Variants in THSD7B observed in about 807,000 individuals in gnomAD.
THSD7B encodes the protein thrombospondin type 1 domain containing 7B.
THSD7B carries 138 observed loss-of-function variants against 213.6 expected under a neutral mutation model. That is an observed-to-expected ratio of 0.65 (90% CI 0.56 to 0.74). The LOEUF (loss-of-function observed/expected upper bound fraction) is 0.74, where lower values mean the gene tolerates loss of function less well. Among genes scored for constraint, THSD7B ranks in the 30% least tolerant of loss-of-function variants. The probability of loss-of-function intolerance (pLI) is 0.00; values close to 1 mark genes in which losing one functional copy is unlikely to be tolerated. For missense variants in THSD7B, 1,931 were observed against 1,991.5 expected (o/e 0.97, Z 0.58); for synonymous variants, 742 against 687.0 (o/e 1.08, Z -1.25).
At chr2:136,954,183 CA>C (rs1332722323) in intron 2 of THSD7B, among the ~76,000 whole-genome samples, 1 of 151,952 alleles carries the variant, frequency 6.6e-6, no homozygotes, top group East Asian at 1.9e-4. Context: ...AAATGTGGAC[CA>C]AAAGAGAAAA....
chr2:137,248,276 G>A (rs918466698), intron 10 of THSD7B, among the ~76,000 whole-genome samples: 2 of 152,100 alleles, frequency 1.3e-5, no homozygotes, highest in African/African-American at 4.8e-5. Flanking sequence ...TCTACATGCT[G>A]GTATTATGGC....
intron 12 of THSD7B, among the ~76,000 whole-genome samples, chr2:137,388,983 G>T (rs1425354727): frequency 6.6e-6 from 1 of 151,764 alleles, no homozygotes; most frequent in African/African-American, 2.4e-5. Context: ...CATGGGGGCT[G>T]CAGTAAACAT....
At chr2:137,171,257 A>C (rs576815402) in intron 7 of THSD7B, among the ~76,000 whole-genome samples, 7 of 152,290 alleles carry the variant, frequency 4.6e-5, no homozygotes, top group African/African-American at 7.2e-5. Flanking sequence ...TATCAATATA[A>C]AACAAGTAAA....
chr2:137,211,003 A>G lies in THSD7B; in HGVS notation c.1724-20041A>G, dbSNP rs938378638. ...TTTCTTCCAAACTTTGATTCTGTTGATTGCAGGAACATTAACTATTCTTTC... is the reference window on the plus strand; with the variant it reads ...TTTCTTCCAAACTTTGATTCTGTTGGTTGCAGGAACATTAACTATTCTTTC... On this transcript the variant is annotated intron_variant, in intron 7 of 27. Transcript: ENST00000409968. 2.6e-5 allele frequency among the ~76,000 whole-genome samples: 4 copies of G among 151,952 alleles called. No individual in the cohort carries two copies. In the East Asian group the frequency reaches 7.7e-4, roughly 29 times the overall value.
intron 10 of THSD7B, among the ~76,000 whole-genome samples, chr2:137,265,036 T>A (rs190441243): frequency 5.9e-4 from 90 of 152,198 alleles, no homozygotes; most frequent in Middle Eastern, 3.4e-3. Context: ...GTCCATGTGT[T>A]CTCATTGTTC....
intron 10 of THSD7B, among the ~76,000 whole-genome samples, chr2:137,263,420 G>GC (rs553143561): frequency 3.3e-5 from 5 of 152,080 alleles, no homozygotes; most frequent in Non-Finnish European, 7.4e-5. Context: ...AAGGTTAAGT[G>GC]CCTTGCCCAA....
intron 16 of THSD7B, among the ~76,000 whole-genome samples, chr2:137,569,917 A>C (rs1163190507): frequency 6.6e-6 from 1 of 152,058 alleles, no homozygotes; most frequent in Non-Finnish European, 1.5e-5. Context: ...CATTAACCAG[A>C]AGTCTTCCCT....
chr2:137,621,415 G>C (rs1226928797), intron 20 of THSD7B, among the ~76,000 whole-genome samples: 1 of 152,186 alleles, frequency 6.6e-6, no homozygotes, highest in African/African-American at 2.4e-5. Flanking sequence ...AGGAAAGGTA[G>C]TATAAATCTT....
chr2:136,904,963 T>G (rs1384114596), intron 2 of THSD7B, among the ~76,000 whole-genome samples: 2 of 152,224 alleles, frequency 1.3e-5, no homozygotes, highest in Non-Finnish European at 2.9e-5. Context: ...CTCTTCTTTT[T>G]CAACTGGAAT....
chr2:137,335,235 C>A (rs1470617714), intron 12 of THSD7B, among the ~76,000 whole-genome samples: 1 of 152,166 alleles, frequency 6.6e-6, no homozygotes, highest in Non-Finnish European at 1.5e-5. Context: ...AGTTTAAAAA[C>A]TACCTCATGA....
rs1681679451 is a variant in THSD7B, at chr2:137,233,069, G to A, written c.2086G>A (p.Val696Ile). 1.2e-6 allele frequency: 2 copies of A among 1,613,814 alleles called. No homozygotes were observed. Among genetic ancestry groups the A allele is most frequent in the South Asian group, 1.1e-5 (1 of 91,088 alleles). ...IGWNGEATCG[V>I]GIQTRRVFCV... Reference sequence around the variant, plus strand: ...CTGGAATGGAGAAGCCACGTGTGGTGTAGGCATTCAGACTCGGAGAGTCTT... The same window carrying A: ...CTGGAATGGAGAAGCCACGTGTGGTATAGGCATTCAGACTCGGAGAGTCTT... Residue 696 changes from valine to isoleucine, a missense_variant, in exon 9 of 28, where the codon GTA becomes ATA. By Grantham distance (29) the Val-to-Ile change is conservative (BLOSUM62 3). Coordinates refer to ENST00000409968, the MANE Select transcript of THSD7B (RefSeq NM_001316349.2).
rs533620288 is a variant in THSD7B at position 137,529,748 on chromosome 2, ATAT to A, written c.3139-33469_3139-33467del. Among the ~76,000 whole-genome samples the A allele has an allele frequency of 5.3e-5, 8 of 152,080 alleles. No homozygotes were observed. In the East Asian group the frequency reaches 1.6e-3, roughly 30 times the overall value. On this transcript the variant is annotated intron_variant, in intron 15 of 27. Coordinates refer to ENST00000409968, the MANE Select transcript of THSD7B (RefSeq NM_001316349.2). ...TCAGAAGAATTAAACTGCCCTTTAG[ATAT>A]TATACCTGTCTTCCCTGCTGAGATT...
intron 5 of THSD7B, among the ~76,000 whole-genome samples, chr2:137,137,991 C>T (rs898183854): frequency 3.3e-5 from 5 of 152,164 alleles, no homozygotes; most frequent in Non-Finnish European, 4.4e-5. Flanking sequence ...CTCGACTTCC[C>T]AGGCTCAAGT....
rs892891971 is a variant in THSD7B at position 137,663,534 on chromosome 2, A to G, written c.4610A>G (p.His1537Arg). The change falls in exon 26 of 28, where the codon CAT (histidine) becomes CGT (arginine). Residue 1537 changes from histidine to arginine, a missense_variant. Physicochemically the swap from His to Arg is conservative, Grantham distance 29. Coordinates refer to ENST00000409968, the MANE Select transcript of THSD7B (RefSeq NM_001316349.2). ...AACAGACCTGTGAATTCAAAAATAC[A>G]TGATATTTTTAAAGGATGGTCTCTT... ...GKNRPVNSKIHDIFKGWSLQP... is the reference protein window; with the variant it reads ...GKNRPVNSKIRDIFKGWSLQP... 7.5e-6 allele frequency: 12 copies of G among 1,609,346 alleles called. No homozygotes were observed. The highest frequency in any genetic ancestry group is 2.2e-5 in the East Asian group (1 of 44,796).
chr2:137,273,652 C>T (rs573941742), intron 11 of THSD7B, among the ~76,000 whole-genome samples: 2 of 151,970 alleles, frequency 1.3e-5, no homozygotes, highest in Non-Finnish European at 2.9e-5. Context: ...AGAAAGATAT[C>T]GTTGAAGAAG....
intron 15 of THSD7B, among the ~76,000 whole-genome samples, chr2:137,473,564 A>C (rs1186995475): frequency 6.6e-6 from 1 of 152,184 alleles, no homozygotes; most frequent in Non-Finnish European, 1.5e-5. Flanking sequence ...GAGAACTCTC[A>C]AACCTTAGTA....
chr2:137,582,635 C>G (rs1681607352), intron 17 of THSD7B, among the ~76,000 whole-genome samples: 1 of 152,016 alleles, frequency 6.6e-6, no homozygotes, highest in African/African-American at 2.4e-5. Context: ...TGATGGTTTC[C>G]AGCTTCATCC....
chr2:137,201,419 G>T (rs10153652), intron 7 of THSD7B, among the ~76,000 whole-genome samples: 90,326 of 151,940 alleles, frequency 0.59, 27,229 homozygotes, highest in South Asian at 0.71. Context: ...GTTGATTTCA[G>T]TTCCTTTTGA....
chr2:137,226,707 A>G (rs1681514325), intron 7 of THSD7B, among the ~76,000 whole-genome samples: 1 of 151,780 alleles, frequency 6.6e-6, no homozygotes, highest in African/African-American at 2.4e-5. Context: ...AAATTGAGTG[A>G]TAAATGTGAC....
Sources: allele counts gnomAD v4.1 joint callset (sites outside exome capture counted in the v4.1 genomes callset), GRCh38; gene constraint gnomAD v4.1.1; transcripts MANE v1.5; gene names NCBI Gene and HGNC (gene_info 2026-07-23, HGNC 2026-07-21).